Variants in SDK1 observed in about 807,000 individuals in gnomAD.
The protein encoded by SDK1 is protein sidekick-1.
SDK1 carries 157 observed loss-of-function variants against 245.5 expected under a neutral mutation model. The ratio of observed to expected loss-of-function variants is 0.64; its 90% CI spans 0.56 to 0.73. SDK1 has a LOEUF of 0.73. Ranked by LOEUF, SDK1 falls within the 30% of genes least tolerant of loss-of-function variation. SDK1 has a pLI of 0.00. For synonymous variants in SDK1, 1,647 were observed against 1,278.5 expected, an observed-to-expected ratio of 1.29 and a Z score of -6.15; for missense variants, 3,583 against 3,002.3, an observed-to-expected ratio of 1.19 and a Z score of -4.52.
intron 5 of SDK1, among the ~76,000 whole-genome samples, chr7:3,906,105 T>C (rs1778907271): frequency 6.6e-6 from 1 of 152,236 alleles, no homozygotes; most frequent in Non-Finnish European, 1.5e-5. Flanking sequence ...AATCTCTTTT[T>C]CATTCAGTTA....
At chr7:4,244,126 C>T (rs1004827241) in intron 43 of SDK1, among the ~76,000 whole-genome samples, 1 of 152,152 alleles carries the variant, frequency 6.6e-6, no homozygotes, top group Non-Finnish European at 1.5e-5. Flanking sequence ...GACACAAAAC[C>T]AGAGGTCTCC....
At chr7:3,633,384 C>T (rs1441763967) in intron 2 of SDK1, among the ~76,000 whole-genome samples, 1 of 152,070 alleles carries the variant, frequency 6.6e-6, no homozygotes, top group African/African-American at 2.4e-5. Context: ...GTGGTTTTGG[C>T]CTGTAACAGG....
intron 1 of SDK1, among the ~76,000 whole-genome samples, chr7:3,391,966 A>T (rs990545849): frequency 1.4e-5 from 2 of 143,974 alleles, no homozygotes; most frequent in Non-Finnish European, 3.0e-5. Context: ...TATATCATGT[A>T]ATATATATAT....
At chr7:4,023,321 C>T (rs1398261502) in intron 17 of SDK1, among the ~76,000 whole-genome samples, 1 of 152,196 alleles carries the variant, frequency 6.6e-6, no homozygotes, top group South Asian at 2.1e-4. Context: ...CAGCTCAAGG[C>T]ATTTTAAAAT....
At chr7:3,685,957 A>G (rs1481254072) in intron 4 of SDK1, among the ~76,000 whole-genome samples, 3 of 152,208 alleles carry the variant, frequency 2.0e-5, no homozygotes, top group Non-Finnish European at 4.4e-5. Flanking sequence ...ACCTAGATTT[A>G]TAGAATGAAT....
chr7:4,245,248 G>C (rs528563798), intron 43 of SDK1, among the ~76,000 whole-genome samples: 1 of 152,202 alleles, frequency 6.6e-6, no homozygotes, highest in South Asian at 2.1e-4. Context: ...TCATCTGTAG[G>C]AGACAATTCC....
intron 4 of SDK1, among the ~76,000 whole-genome samples, chr7:3,670,117 C>G (rs1164854608): frequency 6.6e-6 from 1 of 152,222 alleles, no homozygotes; most frequent in African/African-American, 2.4e-5. Context: ...TCATTGGTCT[C>G]TACCTTGTTT....
intron 5 of SDK1, among the ~76,000 whole-genome samples, chr7:3,926,740 C>T (rs576552172): frequency 8.5e-5 from 13 of 152,348 alleles, no homozygotes; most frequent in African/African-American, 1.9e-4. Flanking sequence ...CCACTTTCTA[C>T]GACTCCGTAA....
intron 17 of SDK1, among the ~76,000 whole-genome samples, chr7:4,040,872 G>A (rs1262173121): frequency 1.3e-5 from 2 of 152,174 alleles, no homozygotes; most frequent in African/African-American, 4.8e-5. Flanking sequence ...CTGGCCCTCA[G>A]GTAGCCCTTT....
Position 4,027,228 on chromosome 7 carries a change from A to G in SDK1, c.2602+9876A>G, listed in dbSNP as rs564834027. Among the ~76,000 whole-genome samples, 6 of 152,334 alleles carry G rather than the reference A, an allele frequency of 3.9e-5. No individual in the cohort carries two copies. In the South Asian group the frequency reaches 1.2e-3, roughly 32 times the overall value. On this transcript the variant is annotated intron_variant, in intron 17 of 44. Coordinates refer to ENST00000404826, the MANE Select transcript of SDK1 (RefSeq NM_152744.4). Reference sequence around the variant, plus strand: ...ATACTGCACCTGAGGGTCATGGACGATGAAATTTCACTGTGTAGAGAAACT... The same window carrying G: ...ATACTGCACCTGAGGGTCATGGACGGTGAAATTTCACTGTGTAGAGAAACT...
At chr7:3,956,080 T>C (rs537232874) in intron 7 of SDK1, among the ~76,000 whole-genome samples, 2 of 152,338 alleles carry the variant, frequency 1.3e-5, no homozygotes, top group South Asian at 4.1e-4. Context: ...GAGAAGTGTT[T>C]GTTTCCATCC....
At chr7:3,878,728 T>C (rs111367745) in intron 5 of SDK1, among the ~76,000 whole-genome samples, 68 of 152,292 alleles carry the variant, frequency 4.5e-4, no homozygotes, top group African/African-American at 1.6e-3. Context: ...GTTTCTGTTA[T>C]CTCTTTTCTT....
chr7:3,582,254 G>C (rs978185999), intron 1 of SDK1, among the ~76,000 whole-genome samples: 2 of 151,498 alleles, frequency 1.3e-5, no homozygotes, highest in African/African-American at 4.9e-5. Flanking sequence ...CCTCAGGTAG[G>C]TCTGCCTCAG....
chr7:3,570,729 A>C (rs914763099), intron 1 of SDK1, among the ~76,000 whole-genome samples: 6 of 152,154 alleles, frequency 3.9e-5, no homozygotes, highest in African/African-American at 1.4e-4. Flanking sequence ...GGCCTGTGAG[A>C]GTCGGTGTAA....
Position 4,266,150 on chromosome 7 carries a change from C to T in SDK1, c.*766C>T, listed in dbSNP as rs1015256155. 1.0e-6 allele frequency: 1 copy of T among 985,398 alleles called. No homozygotes were observed. Among genetic ancestry groups the T allele is most frequent in the Non-Finnish European group, 1.2e-6 (1 of 829,972 alleles). 61.0% of individuals were successfully genotyped at this position (985,398 alleles called of 1,614,324 possible). A position where few individuals can be genotyped will look rare whatever the true frequency, so the allele number is the denominator to read the frequency against. ...AAGCCACCACGCTGGCCCTCTCCTT[C>T]CCCGAACACAGCACACGGTCAACTC... On this transcript the variant is annotated 3_prime_UTR_variant, in exon 45 of 45. Coordinates refer to ENST00000404826, the MANE Select transcript of SDK1 (RefSeq NM_152744.4).
At chr7:4,081,629 A>G (rs1292720232) in intron 22 of SDK1, among the ~76,000 whole-genome samples, 2 of 152,078 alleles carry the variant, frequency 1.3e-5, no homozygotes, top group East Asian at 3.9e-4. Flanking sequence ...CATGTTAGCC[A>G]GGATGGTCTG....
intron 4 of SDK1, among the ~76,000 whole-genome samples, chr7:3,678,890 C>T (rs1370831317): frequency 1.3e-5 from 2 of 151,946 alleles, no homozygotes; most frequent in East Asian, 3.9e-4. Flanking sequence ...AAATAATGAA[C>T]CTGACCTAAA....
chr7:4,208,006 G>A, intron 36 of SDK1, 93 bp from the exon 37 acceptor site: 2 of 934,120 alleles, frequency 2.1e-6, no homozygotes, highest in South Asian at 1.6e-5. Context: ...CCAGAACTCA[G>A]CTCACCCCCT....
At chr7:3,682,388 C>T (rs540812404) in intron 4 of SDK1, among the ~76,000 whole-genome samples, 1 of 152,290 alleles carries the variant, frequency 6.6e-6, no homozygotes, top group African/African-American at 2.4e-5. Context: ...TTAACATTTC[C>T]AGAGGGGAAG....
Sources: allele counts gnomAD v4.1 joint callset (sites outside exome capture counted in the v4.1 genomes callset), GRCh38; gene constraint gnomAD v4.1.1; transcripts MANE v1.5; gene names NCBI Gene and HGNC (gene_info 2026-07-23, HGNC 2026-07-21).